ADAM23: variants seen among roughly 807,000 people sequenced by gnomAD.
The protein encoded by ADAM23 is ADAM metallopeptidase domain 23.
ADAM23 carries 33 observed loss-of-function variants against 120.1 expected under a neutral mutation model. The observed-to-expected ratio is 0.27, with a 90% CI of 0.21 to 0.37. ADAM23 has a LOEUF of 0.37. Ranked by LOEUF, ADAM23 falls within the 10% of genes least tolerant of loss-of-function variation. The probability of loss-of-function intolerance (pLI) is 1.00; values close to 1 mark genes in which losing one functional copy is unlikely to be tolerated. For missense variants in ADAM23, 862 were observed against 1,058.2 expected (o/e 0.81, Z 2.57); for synonymous variants, 367 against 375.2 (o/e 0.98, Z 0.25).
chr2:206,542,715 C>A (rs570690709), intron 5 of ADAM23, among the ~76,000 whole-genome samples: 2 of 152,260 alleles, frequency 1.3e-5, no homozygotes, highest in Non-Finnish European at 2.9e-5. Context: ...AACCTTATGT[C>A]CCTGAAAATT....
chr2:206,566,317 G>A (rs1697877686), intron 14 of ADAM23, among the ~76,000 whole-genome samples: 1 of 151,864 alleles, frequency 6.6e-6, no homozygotes, highest in South Asian at 2.1e-4. Context: ...CCTATCAACA[G>A]TGGCAGGTTT....
At chr2:206,557,635 A>T in intron 10 of ADAM23, 137 bp downstream of exon 10, 1 of 791,422 alleles carries the variant, frequency 1.3e-6, no homozygotes, top group South Asian at 1.5e-5. Flanking sequence ...GAATTATAGG[A>T]TGGTCCGCTT....
intron 23 of ADAM23, 139 bp downstream of exon 23, chr2:206,595,044 G>A: frequency 9.3e-7 from 1 of 1,070,994 alleles, no homozygotes; most frequent in Non-Finnish European, 1.3e-6. Flanking sequence ...AGCTGGGCGT[G>A]GTGGTGGGCA....
intron 3 of ADAM23, among the ~76,000 whole-genome samples, chr2:206,496,123 A>G (rs752214093): frequency 1.3e-5 from 2 of 152,108 alleles, no homozygotes; most frequent in Non-Finnish European, 1.5e-5. Flanking sequence ...ATATCCAGGA[A>G]TTGAACTCAG....
Position 206,533,579 on chromosome 2 carries a change from G to A in ADAM23, c.573+2631G>A, listed in dbSNP as rs78480915. On this transcript the variant is annotated intron_variant, in intron 4 of 25. Transcript: ENST00000264377. ...CATGTAGACACACAATATTTTCCAC[G>A]TAACTAAAGAACAGTCTATTTGGCT... 2.5e-4 allele frequency among the ~76,000 whole-genome samples: 38 copies of A among 152,234 alleles called. No individual in the cohort carries two copies. In the East Asian group the frequency reaches 4.4e-3, roughly 18 times the overall value.
At chr2:206,482,023 T>TA (rs1695908668) in intron 3 of ADAM23, among the ~76,000 whole-genome samples, 1 of 152,234 alleles carries the variant, frequency 6.6e-6, no homozygotes, top group Non-Finnish European at 1.5e-5. Flanking sequence ...GTCAGTATTT[T>TA]AAGCTTTTGT....
At chr2:206,546,881 C>T (rs745405512) in intron 6 of ADAM23, among the ~76,000 whole-genome samples, 14 of 152,104 alleles carry the variant, frequency 9.2e-5, no homozygotes, top group Non-Finnish European at 2.1e-4. Context: ...ATAGACATTC[C>T]TAAAAGCATA....
chr2:206,610,240 A>G (rs1698801728), intron 25 of ADAM23, among the ~76,000 whole-genome samples: 1 of 152,240 alleles, frequency 6.6e-6, no homozygotes, highest in Non-Finnish European at 1.5e-5. Flanking sequence ...AGAACAACGA[A>G]GTTCTTTGGT....
intron 3 of ADAM23, among the ~76,000 whole-genome samples, chr2:206,494,040 G>A (rs966524048): frequency 1.3e-5 from 2 of 152,140 alleles, no homozygotes; most frequent in African/African-American, 4.8e-5. Flanking sequence ...TTTAATTTTT[G>A]TATACATTGT....
chr2:206,588,107 G>A lies in ADAM23; in HGVS notation c.1805G>A (p.Gly602Asp), dbSNP rs780980040. ...CNQNQGRCYNGECKTRDNQCQ... is the reference protein window; with the variant it reads ...CNQNQGRCYNDECKTRDNQCQ... Reference sequence around the variant, plus strand: ...TGTCCCCAGGGCCGCTGCTACAATGGCGAGTGCAAGACCAGAGACAACCAG... The same window carrying A: ...TGTCCCCAGGGCCGCTGCTACAATGACGAGTGCAAGACCAGAGACAACCAG... Residue 602 changes from glycine (G) to aspartate (D), a missense_variant, in exon 20 of 26, where the codon GGC (glycine) becomes GAC (aspartate). Gly to Asp is a moderately conservative substitution (Grantham distance 94). Transcript: ENST00000264377. 4 of 1,613,986 alleles carry A rather than the reference G, an allele frequency of 2.5e-6. No homozygotes were observed. In the African/African-American group the frequency reaches 5.3e-5, roughly 22 times the overall value.
At chr2:206,467,831 C>T (rs956946823) in intron 2 of ADAM23, among the ~76,000 whole-genome samples, 6 of 152,184 alleles carry the variant, frequency 3.9e-5, no homozygotes, top group African/African-American at 1.2e-4. Context: ...TTCCATATAT[C>T]CCCTTGAAGT....
At chr2:206,508,028 C>A (rs1696530195) in intron 3 of ADAM23, among the ~76,000 whole-genome samples, 2 of 152,008 alleles carry the variant, frequency 1.3e-5, no homozygotes, top group South Asian at 4.1e-4. Context: ...AAATAAATTG[C>A]CTAGTTCACT....
At chr2:206,553,060 A>G (rs1270705632) in intron 9 of ADAM23, among the ~76,000 whole-genome samples, 4 of 152,090 alleles carry the variant, frequency 2.6e-5, no homozygotes, top group East Asian at 1.9e-4. Context: ...TGTACTGATA[A>G]ATTTAGAGGG....
Position 206,477,901 on chromosome 2 carries a change from T to TATATATATATAC in ADAM23, c.433-3320_433-3319insCATATATATATA, listed in dbSNP as rs1553548689. Among the ~76,000 whole-genome samples the TATATATATATAC allele has an allele frequency of 3.6e-3, 434 of 122,208 alleles. 4 individuals are homozygous for TATATATATATAC. The highest frequency in any genetic ancestry group is 0.023 in the South Asian group (89 of 3,912). 80.2% of individuals were successfully genotyped at this position (122,208 alleles called of 152,430 possible). A position where few individuals can be genotyped will look rare whatever the true frequency, so the allele number is the denominator to read the frequency against. ...CTGTTAAAAAAAAAAAAAAAAAATA[T>TATATATATATAC]ATATATATATATATATATATAAAAC... On this transcript the variant is annotated intron_variant, in intron 2 of 25. Transcript: ENST00000264377.
At chr2:206,597,750 C>T (rs1424838495) in intron 24 of ADAM23, among the ~76,000 whole-genome samples, 1 of 152,104 alleles carries the variant, frequency 6.6e-6, no homozygotes, top group African/African-American at 2.4e-5. Flanking sequence ...TAGGAAAATG[C>T]ATATAGGATT....
intron 18 of ADAM23, among the ~76,000 whole-genome samples, chr2:206,574,235 G>T (rs1559271435): frequency 6.6e-6 from 1 of 151,996 alleles, no homozygotes; most frequent in African/African-American, 2.4e-5. Context: ...TTAGATTTTT[G>T]GATTAGGGAA....
chr2:206,540,210 T>G (rs1697261805), intron 4 of ADAM23, among the ~76,000 whole-genome samples: 1 of 120,928 alleles, frequency 8.3e-6, no homozygotes, highest in Non-Finnish European at 1.7e-5. Context: ...AAGCAGCCCT[T>G]CACTGTACAC....
At chr2:206,446,971 A>G (rs1207147) in intron 2 of ADAM23, among the ~76,000 whole-genome samples, 8,650 of 152,240 alleles carry the variant, frequency 0.057, 588 homozygotes, top group African/African-American at 0.17. Context: ...TTAAGTGGTT[A>G]GTTCTCAAAC....
chr2:206,598,944 C>T (rs1199540950), intron 24 of ADAM23, among the ~76,000 whole-genome samples: 1 of 151,078 alleles, frequency 6.6e-6, no homozygotes, highest in African/African-American at 2.4e-5. Flanking sequence ...GTGGCTTACA[C>T]CTGTTATCCC....
Sources: allele counts gnomAD v4.1 joint callset (sites outside exome capture counted in the v4.1 genomes callset), GRCh38; gene constraint gnomAD v4.1.1; transcripts MANE v1.5; gene names NCBI Gene and HGNC (gene_info 2026-07-23, HGNC 2026-07-21).